Variants in EPHB4 observed in about 807,000 individuals in gnomAD.
EPHB4 encodes the protein EPH receptor B4.
EPHB4 carries 50 observed loss-of-function variants against 110.6 expected under a neutral mutation model. The observed-to-expected ratio is 0.45, with a 90% CI of 0.36 to 0.57. The LOEUF is 0.57. Among genes scored for constraint, EPHB4 ranks in the 20% least tolerant of loss-of-function variants. The pLI is 0.00. For missense variants in EPHB4, 1,128 were observed against 1,382.1 expected, an observed-to-expected ratio of 0.82 and a Z score of 2.91; for synonymous variants, 592 against 578.4, an observed-to-expected ratio of 1.02 and a Z score of -0.34.
intron 13 of EPHB4, among the ~76,000 whole-genome samples, chr7:100,807,135 TA>T (rs757359589): frequency 5.0e-4 from 76 of 152,282 alleles, no homozygotes; most frequent in Non-Finnish European, 7.9e-4. Context: ...GCTAATCTTT[TA>T]ATTTTTTTGT....
At chr7:100,817,119 G>A in intron 8 of EPHB4, 73 bp downstream of exon 8, 2 of 1,094,098 alleles carry the variant, frequency 1.8e-6, no homozygotes, top group Non-Finnish European at 2.5e-6. Flanking sequence ...ATGGGACTTT[G>A]GAGACCTGGG....
chr7:100,807,002 G>A (rs941401275), intron 13 of EPHB4, among the ~76,000 whole-genome samples: 4 of 151,896 alleles, frequency 2.6e-5, no homozygotes, highest in African/African-American at 4.8e-5. Flanking sequence ...TTGCTCTGTC[G>A]CCCAGTCTGC....
At chr7:100,803,646 T>TCG in intron 16 of EPHB4, 56 bp from the exon 17 acceptor site, 1 of 1,536,240 alleles carries the variant, frequency 6.5e-7, no homozygotes, top group South Asian at 1.2e-5. Flanking sequence ...GCCGCTCTCC[T>TCG]CTCTTGGCTC....
At chr7:100,824,558 G>T (rs1428773399) in intron 1 of EPHB4, 4 of 420,940 alleles carry the variant, frequency 9.5e-6, no homozygotes, top group Non-Finnish European at 1.7e-5. Flanking sequence ...ACGGGGAGAA[G>T]GGGCGGCAGC....
At chr7:100,815,817 T>C (rs1584660078) in intron 8 of EPHB4, among the ~76,000 whole-genome samples, 1 of 152,064 alleles carries the variant, frequency 6.6e-6, no homozygotes, top group Middle Eastern at 3.4e-3. Context: ...GGAAACTGTC[T>C]CAACAAAACA....
At chr7:100,823,226 G>A (rs1273908219) in intron 3 of EPHB4, among the ~76,000 whole-genome samples, 1 of 152,216 alleles carries the variant, frequency 6.6e-6, no homozygotes, top group African/African-American at 2.4e-5. Context: ...AGCCAAGGTG[G>A]CACAGGCAAG....
Position 100,804,512 on chromosome 7 carries a change from A to C in EPHB4, c.2834+654T>G, listed in dbSNP as rs55867908. On this transcript the variant is annotated intron_variant, in intron 16 of 16. Transcript: ENST00000358173. ...GTATTTTTAGTAGACATAAGGTTTCACCAAGTTGTCCACAATGGTCTCGAA... is the reference window on the plus strand; with the variant it reads ...GTATTTTTAGTAGACATAAGGTTTCCCCAAGTTGTCCACAATGGTCTCGAA... Among the ~76,000 whole-genome samples, 1,281 of 151,156 alleles carry C rather than the reference A, an allele frequency of 8.5e-3. 10 individuals are homozygous for C. Among genetic ancestry groups the C allele is most frequent in the Non-Finnish European group, 0.012 (829 of 67,788 alleles).
chr7:100,813,909 G>C lies in EPHB4; in HGVS notation c.1691+10C>G. 6.2e-7 allele frequency: 1 copy of C among 1,613,884 alleles called. No homozygotes were observed. The highest frequency in any genetic ancestry group is 8.5e-7 in the Non-Finnish European group (1 of 1,179,912). On this transcript the variant is annotated intron_variant, in intron 9 of 16. Transcript: ENST00000358173. ...GGCTTCCAGGGGCCTCTGGGTGTCA[G>C]AGCCCTTACCTGAGGCAGAGAACTG...
intron 12 of EPHB4, among the ~76,000 whole-genome samples, chr7:100,810,884 G>A (rs145135461): frequency 1.9e-4 from 29 of 152,242 alleles, no homozygotes; most frequent in African/African-American, 6.3e-4. Flanking sequence ...ATTCAATGAC[G>A]CTAGGGAATC....
rs74827587 is a variant in EPHB4, at chr7:100,809,794, G to A, written c.2119-2214C>T. On this transcript the variant is annotated intron_variant, in intron 12 of 16. Transcript: ENST00000358173. ...TTCCCAAAGTGCTGGGATTACAGGT[G>A]TGTGTCACTGAACCTTTAAGACCCT... Among the ~76,000 whole-genome samples, 817 of 152,316 alleles carry A rather than the reference G, an allele frequency of 5.4e-3. 15 individuals are homozygous for A. The East Asian group carries it at 0.059, about 11-fold the overall frequency.
chr7:100,814,599 A>T (rs981943858), intron 8 of EPHB4, among the ~76,000 whole-genome samples: 1 of 152,260 alleles, frequency 6.6e-6, no homozygotes, highest in Admixed American at 6.5e-5. Flanking sequence ...AACGTTCTAA[A>T]GGTGAAACAT....
At position 100,807,527 on chromosome 7, in the gene EPHB4, G is replaced by A. The variant is rs767814549; in HGVS notation, c.2172C>T (p.Ile724=). Reference sequence around the variant, plus strand: ...CGGCAAGGTACCGCATGCCCGAGGCGATGCCCCGCAGCATGCCCACGAGCT... The same window carrying A: ...CGGCAAGGTACCGCATGCCCGAGGCAATGCCCCGCAGCATGCCCACGAGCT... ...VIQLVGMLRG[I]ASGMRYLAEM... The change falls in exon 13 of 17, where the codon ATC becomes ATT. Residue 724 remains isoleucine, a synonymous_variant. Coordinates refer to ENST00000358173, the MANE Select transcript of EPHB4 (RefSeq NM_004444.5). 26 of 1,614,132 alleles carry A rather than the reference G, an allele frequency of 1.6e-5. No individual in the cohort carries two copies. The highest frequency in any genetic ancestry group is 2.2e-5 in the South Asian group (2 of 91,082).
intron 12 of EPHB4, among the ~76,000 whole-genome samples, chr7:100,811,008 G>C (rs1336944444): frequency 6.6e-6 from 1 of 152,084 alleles, no homozygotes; most frequent in African/African-American, 2.4e-5. Context: ...CCAGCACTTT[G>C]AGGGGCCGAG....
chr7:100,812,747 C>A lies in EPHB4; in HGVS notation c.2118G>T (p.Arg706=). ...MENGALDSFL[R]LNDGQFTVIQ... ...CGCAGAAGCCAGGGAGGGTGCTCAC[C>A]CGCAGGAAGGAGTCCAGGGCGCCGT... is the stretch of plus-strand genomic sequence containing the variant. Residue 706 remains arginine (R), a splice_region_variant and synonymous_variant, in exon 12 of 17, where the codon CGG becomes CGT. Transcript: ENST00000358173. 6.2e-7 allele frequency: 1 copy of A among 1,612,272 alleles called. No individual in the cohort carries two copies. The highest frequency in any genetic ancestry group is 8.5e-7 in the Non-Finnish European group (1 of 1,179,742).
intron 7 of EPHB4, among the ~76,000 whole-genome samples, chr7:100,817,933 C>T (rs1290563935): frequency 8.6e-6 from 1 of 116,668 alleles, no homozygotes; most frequent in Admixed American, 1.3e-4. Flanking sequence ...GTGGCGCTAT[C>T]TCGGCTCACT....
chr7:100,807,117 T>C (rs1258713150), intron 13 of EPHB4, among the ~76,000 whole-genome samples: 1 of 152,196 alleles, frequency 6.6e-6, no homozygotes, highest in African/African-American at 2.4e-5. Flanking sequence ...TGCATGCCAC[T>C]GCGCCTGGCT....
rs866357470 is a variant in EPHB4, at chr7:100,822,334, G to A, written c.745C>T (p.Pro249Ser). ...CREDGQWAEQ[P>S]VTGCSCAPGF... The stretch of plus-strand genomic sequence containing the variant: ...GGAGCACAGCTGCAGCCCGTGACCG[G>A]CTGTTCGGCCCACTGGCCATCCTCA... The change falls in exon 4 of 17, where the codon CCG (proline) becomes TCG (serine). Residue 249 changes from proline (P) to serine (S), a missense_variant. Physicochemically the swap from Pro to Ser is moderately conservative, Grantham distance 74. Transcript: ENST00000358173. This position sits in a 1 kb window ranked among gnomAD's most constrained non-coding sequence, Gnocchi z 4.7. 6.4e-7 allele frequency: 1 copy of A among 1,567,774 alleles called. No homozygotes were observed. Among genetic ancestry groups the A allele is most frequent in the Admixed American group, 1.8e-5 (1 of 54,562 alleles).
At chr7:100,823,952 G>C in intron 2 of EPHB4, 21 bp from the exon 3 acceptor site, 1 of 1,558,854 alleles carries the variant, frequency 6.4e-7, no homozygotes, top group Non-Finnish European at 8.7e-7. Context: ...AAGGAGGTCA[G>C]CAAGGGGGCT....
intron 1 of EPHB4, among the ~76,000 whole-genome samples, chr7:100,826,534 T>C (rs1813400963): frequency 6.6e-6 from 1 of 152,046 alleles, no homozygotes; most frequent in Non-Finnish European, 1.5e-5. Flanking sequence ...CGCTAAGGAA[T>C]TGGCGCTGGG....
Sources: allele counts gnomAD v4.1 joint callset (sites outside exome capture counted in the v4.1 genomes callset), GRCh38; gene constraint gnomAD v4.1.1; non-coding constraint Gnocchi (gnomAD v3.1); transcripts MANE v1.5; gene names NCBI Gene and HGNC (gene_info 2026-07-23, HGNC 2026-07-21).